CYP51A1: variants seen among roughly 807,000 people sequenced by gnomAD.
The protein encoded by CYP51A1 is cytochrome P450 family 51 subfamily A member 1.
Under a neutral mutation model 53.5 loss-of-function variants are expected in CYP51A1, and 45 were observed. The observed-to-expected ratio is 0.84, with a 90% confidence interval of 0.66 to 1.08. The LOEUF is 1.08. CYP51A1 is among the 50% of genes least tolerant of loss of function. CYP51A1 has a pLI of 0.00. For synonymous variants in CYP51A1, 181 were observed against 217.7 expected, an observed-to-expected ratio of 0.83 and a Z score of 1.48; for missense variants, 462 against 621.7, an observed-to-expected ratio of 0.74 and a Z score of 2.73.
At chr7:92,118,150 CTTTTTT>C (rs1009155363) in intron 8 of CYP51A1, among the ~76,000 whole-genome samples, 3 of 151,536 alleles carry the variant, frequency 2.0e-5, no homozygotes, top group Non-Finnish European at 2.9e-5. Flanking sequence ...CTTTTTCTTT[CTTTTTT>C]ATTTTTATTT....
At chr7:92,131,737 T>G (rs750554178) in intron 2 of CYP51A1, 37 bp downstream of exon 2, 1 of 523,008 alleles carries the variant, frequency 1.9e-6, no homozygotes, top group Non-Finnish European at 2.7e-6. Context: ...TCTCTAGTTG[T>G]TTTTTTTTTT....
rs558493199 is a variant in CYP51A1 at position 92,124,933 on chromosome 7, G to A, written c.771-1080C>T. Among the ~76,000 whole-genome samples, 13 of 152,168 alleles carry A rather than the reference G, an allele frequency of 8.5e-5. No homozygotes were observed. In the East Asian group the frequency reaches 2.3e-3, roughly 27 times the overall value. ...CCGAGGCGGGCGGATCACAAGGTCG[G>A]GAGATCAAGACCATCCTGGCTAACA... On this transcript the variant is annotated intron_variant, in intron 5 of 9. Transcript: ENST00000003100.
intron 3 of CYP51A1, 46 bp from the exon 4 acceptor site, chr7:92,127,677 T>C (rs772582150): frequency 6.3e-7 from 1 of 1,599,396 alleles, no homozygotes; most frequent in African/African-American, 1.3e-5. Context: ...AACACATTTT[T>C]GTTTTATCAT....
At chr7:92,125,823 C>G (rs1271909285) in intron 5 of CYP51A1, among the ~76,000 whole-genome samples, 1 of 152,140 alleles carries the variant, frequency 6.6e-6, no homozygotes, top group African/African-American at 2.4e-5. Context: ...TGATGAAACC[C>G]TGTCTCTACT....
rs768712801 is a variant in CYP51A1 at position 92,126,213 on chromosome 7, A to G, written c.770+40T>C. 1.5e-4 allele frequency: 210 copies of G among 1,422,940 alleles called. No homozygotes were observed. The South Asian group carries it at 1.7e-3, about 12-fold the overall frequency. 88.1% of individuals were successfully genotyped at this position (1,422,940 alleles called of 1,614,324 possible). On this transcript the variant is annotated intron_variant, in intron 5 of 9. Transcript: ENST00000003100. ...CATACCAACACTACAATAATTATAC[A>G]AAGTTAAATAACCTAGTGTAATATA...
rs1168081018 is a variant in CYP51A1 at position 92,131,863 on chromosome 7, G to T, written c.202C>A (p.Pro68Thr). ...AATGGAATTGGGGAGAAAATGTATG[G>T]AGGACTTTTCTACAAGAGAAAAAAA... Reference protein sequence around the residue: ...VQLPAGVKSPPYIFSPIPFLG... With the variant: ...VQLPAGVKSPTYIFSPIPFLG... Residue 68 changes from proline (P) to threonine (T), a missense_variant, in exon 2 of 10, where the codon CCA becomes ACA. Coordinates refer to ENST00000003100, the MANE Select transcript of CYP51A1 (RefSeq NM_000786.4). The T allele has an allele frequency of 6.3e-7, 1 of 1,578,406 alleles. No homozygotes were observed. The highest frequency in any genetic ancestry group is 1.1e-5 in the South Asian group (1 of 88,992).
chr7:92,117,758 C>A (rs975157945), intron 8 of CYP51A1, among the ~76,000 whole-genome samples: 14 of 152,058 alleles, frequency 9.2e-5, no homozygotes, highest in African/African-American at 3.4e-4. Context: ...GAGGCCAAGG[C>A]GGGTGGATCA....
chr7:92,131,700 C>CT (rs1165089721), intron 2 of CYP51A1, 74 bp downstream of exon 2: 2 of 807,578 alleles, frequency 2.5e-6, no homozygotes, highest in Non-Finnish European at 4.0e-6. Flanking sequence ...TGTTCTGCCA[C>CT]TTTTTTAAAA....
chr7:92,123,374 A>G (rs1253590373), intron 6 of CYP51A1, 59 bp from the exon 7 acceptor site: 5 of 1,381,660 alleles, frequency 3.6e-6, no homozygotes, highest in East Asian at 2.3e-5. Context: ...TCATGCCTCA[A>G]CCTTTAAATA....
intron 5 of CYP51A1, 72 bp from the exon 6 acceptor site, chr7:92,123,925 A>G: frequency 7.7e-7 from 1 of 1,304,816 alleles, no homozygotes; most frequent in Non-Finnish European, 1.0e-6. Flanking sequence ...CATTTTGAGA[A>G]CCAGGACCGA....
chr7:92,126,639 C>T (rs531187817), intron 4 of CYP51A1, among the ~76,000 whole-genome samples: 1 of 152,252 alleles, frequency 6.6e-6, no homozygotes, highest in East Asian at 1.9e-4. Context: ...AAACAGATCC[C>T]AGAAACACAT....
Position 92,126,403 on chromosome 7 carries a change from A to G in CYP51A1, c.620T>C (p.Leu207Pro). The G allele has an allele frequency of 6.2e-7, 1 of 1,613,326 alleles. No individual in the cohort carries two copies. The highest frequency in any genetic ancestry group is 8.5e-7 in the Non-Finnish European group (1 of 1,179,724). Residue 207 changes from leucine to proline, a missense_variant, in exon 5 of 10, where the codon CTC becomes CCC. By Grantham distance (98) the Leu-to-Pro change is moderately conservative. Transcript: ENST00000003100. ...ACAATGGCTAGCTGTTAAAATTATGAGCTCAGAAAGAGCTTCAAACACATC... is the reference window on the plus strand; with the variant it reads ...ACAATGGCTAGCTGTTAAAATTATGGGCTCAGAAAGAGCTTCAAACACATC... ...EKNVFEALSE[L>P]IILTASHCLH...
chr7:92,113,036 CT>C lies in CYP51A1; in HGVS notation c.*628del, dbSNP rs1234726921. Reference sequence around the variant, plus strand: ...AATAATTACATTATTTTTAGGAACTCTTATCAAATATGGTCCTGGATCTCTT... The same window carrying C: ...AATAATTACATTATTTTTAGGAACTCTATCAAATATGGTCCTGGATCTCTT... On this transcript the variant is annotated 3_prime_UTR_variant, in exon 10 of 10. Transcript: ENST00000003100. 6.6e-6 allele frequency: 1 copy of C among 152,202 alleles called. No homozygotes were observed. Among genetic ancestry groups the C allele is most frequent in the East Asian group, 1.9e-4 (1 of 5,180 alleles). The allele number at this position is 152,202 out of a possible 1,614,324, so 9.4% of individuals were successfully genotyped here.
At chr7:92,121,551 A>G (rs1363548458) in intron 7 of CYP51A1, among the ~76,000 whole-genome samples, 1 of 152,236 alleles carries the variant, frequency 6.6e-6, no homozygotes, top group Non-Finnish European at 1.5e-5. Flanking sequence ...ATAATAGTTT[A>G]AAAGGTGGAA....
chr7:92,126,528 A>G, intron 4 of CYP51A1, 101 bp from the exon 5 acceptor site: 1 of 1,041,254 alleles, frequency 9.6e-7, no homozygotes, highest in Non-Finnish European at 1.4e-6. Flanking sequence ...TCCTATTCAT[A>G]TCATCAAAAA....
intron 3 of CYP51A1, among the ~76,000 whole-genome samples, chr7:92,128,514 C>T (rs1819851580): frequency 1.3e-5 from 2 of 151,496 alleles, no homozygotes; most frequent in Non-Finnish European, 2.9e-5. Flanking sequence ...GACAGGGTCT[C>T]ACTCTGTTGC....
intron 7 of CYP51A1, among the ~76,000 whole-genome samples, chr7:92,122,869 G>A (rs1386984264): frequency 6.6e-6 from 1 of 152,086 alleles, no homozygotes; most frequent in Non-Finnish European, 1.5e-5. Context: ...TTGAAGCAGA[G>A]GAAGTAAGTA....
In CYP51A1 at chr7:92,134,188, C is replaced by T. The variant is rs754797258; in HGVS notation, c.177G>A (p.Gln59=). The T allele has an allele frequency of 2.5e-6, 4 of 1,612,136 alleles. No individual in the cohort carries two copies. In the East Asian group the frequency reaches 6.7e-5, roughly 27 times the overall value. The part of the protein sequence containing the change: ...LIRLAAGHLV[Q]LPAGVKSPPY... ...ATGTACGTACCACCCCTGCGGGCAG[C>T]TGGACCAGGTGGCCGGCGGCCAGAC... The change falls in exon 1 of 10, where the codon CAG becomes CAA. Residue 59 remains glutamine (Q), a synonymous_variant. Transcript: ENST00000003100.
At position 92,116,694 on chromosome 7, in the gene CYP51A1, T is replaced by C. The variant is rs554296255; in HGVS notation, c.1351+350A>G. Reference sequence around the variant, plus strand: ...TTTTTTGTGAAATGCTAGTAATCTGTTATTCCCTGAATGGTGTGCTGACTC... The same window carrying C: ...TTTTTTGTGAAATGCTAGTAATCTGCTATTCCCTGAATGGTGTGCTGACTC... On this transcript the variant is annotated intron_variant, in intron 9 of 9. Coordinates refer to ENST00000003100, the MANE Select transcript of CYP51A1 (RefSeq NM_000786.4). Among the ~76,000 whole-genome samples the C allele has an allele frequency of 4.6e-5, 7 of 152,346 alleles. No individual in the cohort carries two copies. In the South Asian group the frequency reaches 1.4e-3, roughly 32 times the overall value.
Sources: allele counts gnomAD v4.1 joint callset (sites outside exome capture counted in the v4.1 genomes callset), GRCh38; gene constraint gnomAD v4.1.1; transcripts MANE v1.5; gene names NCBI Gene and HGNC (gene_info 2026-07-23, HGNC 2026-07-21).